Variants in SLC6A9 observed in about 807,000 individuals in gnomAD.
The protein encoded by SLC6A9 is sodium- and chloride-dependent glycine transporter 1.
Under a neutral mutation model 70.9 loss-of-function variants are expected in SLC6A9, and 31 were observed. The observed-to-expected ratio is 0.44, with a 90% confidence interval of 0.33 to 0.59. The LOEUF is 0.59. SLC6A9 is among the 20% of genes least tolerant of loss of function. SLC6A9 has a pLI of 0.04. For missense variants in SLC6A9, 631 were observed against 845.2 expected, an observed-to-expected ratio of 0.75 and a Z score of 3.14; for synonymous variants, 310 against 341.3, an observed-to-expected ratio of 0.91 and a Z score of 1.01.
intron 1 of SLC6A9, among the ~76,000 whole-genome samples, chr1:44,030,127 G>A (rs1459034277): frequency 1.3e-5 from 2 of 152,086 alleles, no homozygotes; most frequent in African/African-American, 2.4e-5. Flanking sequence ...CCGGCCCGAG[G>A]CGCGGAGGCC....
In SLC6A9 at chr1:44,010,674, G is replaced by C. The variant is rs1285983364; in HGVS notation, c.187+52C>G. 4 of 1,578,584 alleles carry C rather than the reference G, an allele frequency of 2.5e-6. No homozygotes were observed. In the African/African-American group the frequency reaches 5.4e-5, roughly 21 times the overall value. On this transcript the variant is annotated intron_variant, in intron 3 of 13. Transcript: ENST00000372310. ...CAGGGAGAGGGTGGCCCAGGCCCTG[G>C]TGGGTGGGCTCTACCCAAGTGGGTG...
At chr1:44,010,603 G>A in intron 3 of SLC6A9, 123 bp downstream of exon 3, 1 of 962,856 alleles carries the variant, frequency 1.0e-6, no homozygotes, top group Non-Finnish European at 1.6e-6. Flanking sequence ...TGGGGGCGAA[G>A]GAGGCCAGGG....
chr1:44,031,166 T>TCACACA (rs66939562), intron 1 of SLC6A9, 140 bp downstream of exon 1: 5,023 of 148,246 alleles, frequency 0.034, 130 homozygotes, highest in African/African-American at 0.07. Flanking sequence ...ACATGCGCGA[T>TCACACA]CACACACACA....
Position 44,000,866 on chromosome 1 carries a change from C to A in SLC6A9, c.1437G>T (p.Gly479=). 4 of 1,605,514 alleles carry A rather than the reference C, an allele frequency of 2.5e-6. No homozygotes were observed. Among genetic ancestry groups the A allele is most frequent in the Non-Finnish European group, 3.4e-6 (4 of 1,175,700 alleles). Residue 479 remains glycine, a splice_region_variant and synonymous_variant, in exon 12 of 14, where the codon GGG becomes GGT. Transcript: ENST00000372310. ...IMCVAIMYIY[G]HRNYFQDIQM... is the part of the protein sequence containing the mutation. ...GGATGTCCTGGAAGTAGTTCCGGTG[C>A]CCTGGAGAGATGGGGGGTCAGCAGA...
At chr1:44,001,779 G>A in intron 8 of SLC6A9, 152 bp from the exon 9 acceptor site, 5 of 662,670 alleles carry the variant, frequency 7.5e-6, no homozygotes, top group Non-Finnish European at 1.3e-5. Context: ...CCAGGATGGA[G>A]TGCAATGGCG....
chr1:44,031,192 A>ACACG (rs2087112068), intron 1 of SLC6A9, 114 bp downstream of exon 1: 1 of 139,722 alleles, frequency 7.2e-6, no homozygotes, highest in African/African-American at 2.6e-5. Context: ...ACACACACAC[A>ACACG]CACACGCACA....
chr1:44,023,413 C>T (rs1371404007), intron 2 of SLC6A9, among the ~76,000 whole-genome samples: 3 of 152,070 alleles, frequency 2.0e-5, no homozygotes, highest in Non-Finnish European at 2.9e-5. Context: ...AAGGCCGAGG[C>T]GTGTGGATCA....
intron 2 of SLC6A9, among the ~76,000 whole-genome samples, chr1:44,015,616 G>A: frequency 6.6e-6 from 1 of 152,232 alleles, no homozygotes; most frequent in East Asian, 1.9e-4. Flanking sequence ...AGTAAATTGT[G>A]GCTGCCTCAG....
intron 2 of SLC6A9, among the ~76,000 whole-genome samples, chr1:44,011,155 G>A (rs1205023546): frequency 6.6e-6 from 1 of 152,206 alleles, no homozygotes; most frequent in Non-Finnish European, 1.5e-5. Context: ...CATCCGGGAG[G>A]CGGGACACTG....
chr1:44,023,566 C>T (rs2086926761), intron 2 of SLC6A9, among the ~76,000 whole-genome samples: 1 of 152,114 alleles, frequency 6.6e-6, no homozygotes, highest in Non-Finnish European at 1.5e-5. Context: ...CGCTTGAACC[C>T]GGCAGGGGCA....
At position 44,018,453 on chromosome 1, in the gene SLC6A9, G is replaced by T. The variant is rs993445970; in HGVS notation, c.30+5795C>A. Among the ~76,000 whole-genome samples, 1 of 152,016 alleles carries T rather than the reference G, an allele frequency of 6.6e-6. No homozygotes were observed. ...CTACTAAAAATACAAAATTAGCTGG[G>T]CGTGGTGGCACATGCCTGTAATCCC... On this transcript the variant is annotated intron_variant, in intron 2 of 13. Transcript: ENST00000372310. The surrounding 1 kb of genome is among the most constrained non-coding windows in gnomAD (Gnocchi z 4.2).
Position 43,997,476 on chromosome 1 carries a change from C to CCT in SLC6A9, c.*67_*68dup. Reference sequence around the variant, plus strand: ...GCAGGGGGCAGGCAGAGACACCTGGCCTCTGCCTCACCAGTCTCTGCGGTG... The same window carrying CCT: ...GCAGGGGGCAGGCAGAGACACCTGGCCTCTCTGCCTCACCAGTCTCTGCGGTG... On this transcript the variant is annotated 3_prime_UTR_variant, in exon 14 of 14. Coordinates refer to ENST00000372310, the MANE Select transcript of SLC6A9 (RefSeq NM_001024845.3). This position sits in a 1 kb window ranked among gnomAD's most constrained non-coding sequence, Gnocchi z 4.4. The CCT allele has an allele frequency of 7.1e-7, 1 of 1,408,928 alleles. No individual in the cohort carries two copies. Among genetic ancestry groups the CCT allele is most frequent in the South Asian group, 1.2e-5 (1 of 85,902 alleles). 87.3% of individuals were successfully genotyped at this position (1,408,928 alleles called of 1,614,324 possible).
At chr1:43,998,984 G>GGA (rs1034041020) in intron 12 of SLC6A9, among the ~76,000 whole-genome samples, 2 of 150,062 alleles carry the variant, frequency 1.3e-5, no homozygotes, top group Non-Finnish European at 3.0e-5. Context: ...GCGGGGGAAG[G>GGA]GGGGGGGCAG....
chr1:43,998,087 C>A, intron 12 of SLC6A9, 62 bp from the exon 13 acceptor site: 1 of 1,452,906 alleles, frequency 6.9e-7, no homozygotes, highest in Non-Finnish European at 9.4e-7. Flanking sequence ...CCCAGGCCAT[C>A]CCTCTACCAG....
At chr1:44,014,509 G>C (rs2086676954) in intron 2 of SLC6A9, 1 of 152,068 alleles carries the variant, frequency 6.6e-6, no homozygotes. Context: ...ACCAGTCATT[G>C]AGACAGGAGT....
At chr1:44,023,939 G>A (rs1395152235) in intron 2 of SLC6A9, among the ~76,000 whole-genome samples, 2 of 152,218 alleles carry the variant, frequency 1.3e-5, no homozygotes, top group African/African-American at 2.4e-5. Context: ...GACTGAAGGC[G>A]CCTGCACAGC....
chr1:44,001,061 G>T lies in SLC6A9; in HGVS notation c.1336-6C>A. On this transcript the variant is annotated splice_polypyrimidine_tract_variant and splice_region_variant and intron_variant, in intron 10 of 13. Coordinates refer to ENST00000372310, the MANE Select transcript of SLC6A9 (RefSeq NM_001024845.3). Reference sequence around the variant, plus strand: ...AGCAGCCAATAGATGCCTGCCTGGGGAACAGCGGGCAGCTGTGGGAGGCGC... The same window carrying T: ...AGCAGCCAATAGATGCCTGCCTGGGTAACAGCGGGCAGCTGTGGGAGGCGC... 1 of 1,591,786 alleles carries T rather than the reference G, an allele frequency of 6.3e-7. No individual in the cohort carries two copies. The highest frequency in any genetic ancestry group is 1.1e-5 in the South Asian group (1 of 87,620).
At chr1:44,015,203 G>A (rs563829367) in intron 2 of SLC6A9, among the ~76,000 whole-genome samples, 2 of 152,326 alleles carry the variant, frequency 1.3e-5, no homozygotes, top group South Asian at 4.1e-4. Flanking sequence ...AGAGCGAACC[G>A]GGCCAGCCCC....
At chr1:44,029,061 C>T (rs905270044) in intron 1 of SLC6A9, among the ~76,000 whole-genome samples, 7 of 152,030 alleles carry the variant, frequency 4.6e-5, no homozygotes, top group Non-Finnish European at 7.4e-5. Context: ...AGGTTTGGTG[C>T]GGGGACAGGA....
Sources: allele counts gnomAD v4.1 joint callset (sites outside exome capture counted in the v4.1 genomes callset), GRCh38; gene constraint gnomAD v4.1.1; non-coding constraint Gnocchi (gnomAD v3.1); transcripts MANE v1.5; gene names NCBI Gene and HGNC (gene_info 2026-07-23, HGNC 2026-07-21).